The following FSD2 variants were observed in gnomAD, a reference collection of about 807,000 sequenced individuals.
The protein encoded by FSD2 is fibronectin type III and SPRY domain-containing protein 2.
A neutral mutation model predicts 80.4 loss-of-function variants in FSD2; 71 were observed. The ratio of observed to expected loss-of-function variants is 0.88; its 90% confidence interval spans 0.73 to 1.08. The LOEUF is 1.08. Among genes scored for constraint, FSD2 ranks in the 50% least tolerant of loss-of-function variants. The pLI is 0.00. For synonymous variants in FSD2, 361 were observed against 329.5 expected (o/e 1.10, Z -1.03); for missense variants, 923 against 913.8 (o/e 1.01, Z -0.13).
chr15:82,779,893 C>T (rs1337608279), intron 5 of FSD2, among the ~76,000 whole-genome samples: 1 of 152,078 alleles, frequency 6.6e-6, no homozygotes, highest in Non-Finnish European at 1.5e-5. Flanking sequence ...CTAAAATGTG[C>T]ACACTTTCTG....
chr15:82,789,797 C>T (rs750405563), intron 1 of FSD2, among the ~76,000 whole-genome samples: 7 of 152,304 alleles, frequency 4.6e-5, no homozygotes, highest in Admixed American at 1.3e-4. Context: ...CTGAGCCCTC[C>T]TCTAGTTCCA....
At chr15:82,802,717 G>A (rs1274609856) in intron 1 of FSD2, among the ~76,000 whole-genome samples, 3 of 152,114 alleles carry the variant, frequency 2.0e-5, no homozygotes, top group African/African-American at 7.2e-5. Context: ...CCCAGCTTAG[G>A]AGCAGTTCCT....
chr15:82,778,770 A>C lies in FSD2; in HGVS notation c.1107T>G (p.Ile369Met). The C allele has an allele frequency of 6.2e-7, 1 of 1,609,658 alleles. No homozygotes were observed. The highest frequency in any genetic ancestry group is 1.1e-5 in the South Asian group (1 of 90,404). The change falls in exon 6 of 13, where the codon ATT (isoleucine) becomes ATG (methionine). Residue 369 changes from isoleucine to methionine, a missense_variant. Transcript: ENST00000334574. ...AGTACACACACAGGTGAGCACCTGG[A>C]ATGGTGTTAATGGAGCCCATCAGCT... ...VEQLMGSINT[I>M]PAPSAPVINP... is the part of the protein sequence containing the mutation.
At chr15:82,768,815 C>T in intron 9 of FSD2, 65 bp downstream of exon 9, 1 of 1,330,240 alleles carries the variant, frequency 7.5e-7, no homozygotes, top group Non-Finnish European at 9.7e-7. Flanking sequence ...CCGTATACTT[C>T]CTAAGCCATG....
intron 9 of FSD2, 93 bp from the exon 10 acceptor site, chr15:82,766,124 A>C (rs1596230648): frequency 4.4e-6 from 6 of 1,363,374 alleles, no homozygotes; most frequent in East Asian, 2.6e-5. Context: ...GGTTTAACTC[A>C]CTCTTGCGCT....
chr15:82,798,620 C>T (rs372035827), intron 1 of FSD2, among the ~76,000 whole-genome samples: 5 of 152,150 alleles, frequency 3.3e-5, no homozygotes, highest in Non-Finnish European at 7.4e-5. Context: ...TTATCCATCA[C>T]TTTTATGATC....
intron 1 of FSD2, among the ~76,000 whole-genome samples, chr15:82,802,255 A>G (rs1192640249): frequency 2.0e-5 from 3 of 152,070 alleles, no homozygotes; most frequent in Admixed American, 6.5e-5. Context: ...CCCCCTCCAT[A>G]CATACCAGAC....
At chr15:82,787,600 A>G in intron 1 of FSD2, 132 bp from the exon 2 acceptor site, 1 of 417,916 alleles carries the variant, frequency 2.4e-6, no homozygotes, top group Non-Finnish European at 4.1e-6. Context: ...TTCACTTTGA[A>G]CCATCTTTAA....
chr15:82,769,624 A>G, intron 8 of FSD2, 126 bp downstream of exon 8: 1 of 1,208,848 alleles, frequency 8.3e-7, no homozygotes, highest in Non-Finnish European at 1.1e-6. Context: ...TAAATAAAAG[A>G]AAAAAATGTA....
Position 82,772,152 on chromosome 15 carries a change from T to A in FSD2, c.1188A>T (p.Leu396Phe), listed in dbSNP as rs1456149914. ...AGCTCTCCACAGTGTCGTCGGAGTA[T>A]AAGCTCCAGCACACTCGGACTGAGG... is the stretch of plus-strand genomic sequence containing the variant. ...TGSSVRVCWSLYSDDTVESYQ... is the reference protein window; with the variant it reads ...TGSSVRVCWSFYSDDTVESYQ... Residue 396 changes from leucine (L) to phenylalanine (F), a missense_variant, in exon 7 of 13, where the codon TTA becomes TTT. Physicochemically the swap from Leu to Phe is conservative, Grantham distance 22. Coordinates refer to ENST00000334574, the MANE Select transcript of FSD2 (RefSeq NM_001007122.4). The A allele has an allele frequency of 1.9e-6, 3 of 1,611,776 alleles. No homozygotes were observed. Among genetic ancestry groups the A allele is most frequent in the Non-Finnish European group, 2.5e-6 (3 of 1,179,178 alleles).
Position 82,756,171 on chromosome 15 carries a change from C to A in FSD2, c.*3177G>T. ...ATAGTGAACATGTGAGAATCTTGCT[C>A]TACTAATTGATAGGAAGGTGACTAG... On this transcript the variant is annotated 3_prime_UTR_variant, in exon 13 of 13. Coordinates refer to ENST00000334574, the MANE Select transcript of FSD2 (RefSeq NM_001007122.4). 3.3e-6 allele frequency: 1 copy of A among 305,562 alleles called. No homozygotes were observed. The highest frequency in any genetic ancestry group is 6.9e-5 in the East Asian group (1 of 14,560). 18.9% of individuals were successfully genotyped at this position (305,562 alleles called of 1,614,324 possible).
chr15:82,773,095 ACT>A (rs1193479648), intron 6 of FSD2, among the ~76,000 whole-genome samples: 14 of 152,046 alleles, frequency 9.2e-5, no homozygotes, highest in Non-Finnish European at 5.9e-5. Context: ...GATCTGCCTG[ACT>A]CTGCCTCCCA....
intron 3 of FSD2, among the ~76,000 whole-genome samples, chr15:82,783,640 A>G (rs1390811624): frequency 6.6e-6 from 1 of 152,128 alleles, no homozygotes; most frequent in Non-Finnish European, 1.5e-5. Context: ...GACCAGGGAG[A>G]TTATCAGTGA....
At chr15:82,772,296 C>G (rs957023075) in intron 6 of FSD2, 68 bp from the exon 7 acceptor site, 20 of 1,473,294 alleles carry the variant, frequency 1.4e-5, no homozygotes, top group Non-Finnish European at 1.3e-5. Context: ...GGCCCCTTTC[C>G]CATGACCATT....
In FSD2 at chr15:82,757,957, CT is replaced by C. The variant is rs2049207540; in HGVS notation, c.*1390del. ...CAGAGTTGCGCTCTTGTTGCCAAGGCTGGAGTGCAGTGGCACAATCTCGGCT... is the reference window on the plus strand; with the variant it reads ...CAGAGTTGCGCTCTTGTTGCCAAGGCGGAGTGCAGTGGCACAATCTCGGCT... On this transcript the variant is annotated 3_prime_UTR_variant, in exon 13 of 13. Transcript: ENST00000334574. The C allele has an allele frequency of 1.3e-5, 2 of 152,240 alleles. No individual in the cohort carries two copies. Among genetic ancestry groups the C allele is most frequent in the African/African-American group, 4.8e-5 (2 of 41,396 alleles). The allele number at this position is 152,240 out of a possible 1,614,324, so 9.4% of individuals were successfully genotyped here.
intron 1 of FSD2, among the ~76,000 whole-genome samples, chr15:82,802,564 T>C (rs896169202): frequency 6.6e-6 from 1 of 152,186 alleles, no homozygotes; most frequent in Non-Finnish European, 1.5e-5. Flanking sequence ...TGGGTTGAGC[T>C]CTTACTTGGC....
In FSD2 at chr15:82,787,346, A is replaced by T; in HGVS notation, c.45T>A (p.Thr15=). 1 of 1,613,746 alleles carries T rather than the reference A, an allele frequency of 6.2e-7. No homozygotes were observed. ...SGEELGLDRS[T]PKDFHFYHMD... ...TGTGGTAAAAGTGGAAATCCTTGGGAGTAGACCTGTCCAGCCCCAGTTCCT... is the reference window on the plus strand; with the variant it reads ...TGTGGTAAAAGTGGAAATCCTTGGGTGTAGACCTGTCCAGCCCCAGTTCCT... Residue 15 remains threonine (T), a synonymous_variant, in exon 2 of 13, where the codon ACT becomes ACA. Transcript: ENST00000334574.
rs2049201149 is a variant in FSD2 at position 82,757,508 on chromosome 15, A to G, written c.*1840T>C. ...CACCAGTCCCGGCTAATTTTTTTGT[A>G]TTTTTAGTAGAGACGGGGTTTCACC... On this transcript the variant is annotated 3_prime_UTR_variant, in exon 13 of 13. Coordinates refer to ENST00000334574, the MANE Select transcript of FSD2 (RefSeq NM_001007122.4). 1 of 151,042 alleles carries G rather than the reference A, an allele frequency of 6.6e-6. No individual in the cohort carries two copies. Among genetic ancestry groups the G allele is most frequent in the Non-Finnish European group, 1.5e-5 (1 of 67,748 alleles). 9.4% of individuals were successfully genotyped at this position (151,042 alleles called of 1,614,324 possible). A position where few individuals can be genotyped will look rare whatever the true frequency, so the allele number is the denominator to read the frequency against.
intron 9 of FSD2, among the ~76,000 whole-genome samples, 196 bp from the exon 10 acceptor site, chr15:82,766,227 ACTT>A (rs1158654537): frequency 6.6e-6 from 1 of 151,938 alleles, no homozygotes; most frequent in African/African-American, 2.4e-5. Context: ...TGCTTTTCTC[ACTT>A]CATTGCTACT....
Sources: gnomAD v4.1 joint callset for allele counts (sites outside exome capture counted in the v4.1 genomes callset) on GRCh38, gnomAD v4.1.1 for gene constraint, MANE v1.5 for transcripts, NCBI Gene and HGNC (gene_info 2026-07-23, HGNC 2026-07-21) for gene names.